Variants in CYP27C1 observed in about 807,000 individuals in gnomAD.
CYP27C1 encodes cytochrome P450 family 27 subfamily C member 1, also known as cytochrome P450 27C1.
Under a neutral mutation model 40.6 loss-of-function variants are expected in CYP27C1, and 29 were observed. The ratio of observed to expected loss-of-function variants is 0.71; its 90% CI spans 0.53 to 0.97. The LOEUF (loss-of-function observed/expected upper bound fraction) is 0.97. CYP27C1 is among the 50% of genes least tolerant of loss of function. The pLI, the probability that CYP27C1 is intolerant of heterozygous loss-of-function variation, is 0.00. For synonymous variants in CYP27C1, 198 were observed against 186.8 expected (o/e 1.06, Z -0.49); for missense variants, 390 against 485.8 (o/e 0.80, Z 1.85).
chr2:127,197,283 T>C (rs560934957), intron 5 of CYP27C1, among the ~76,000 whole-genome samples: 1 of 152,384 alleles, frequency 6.6e-6, no homozygotes, highest in East Asian at 1.9e-4. Context: ...TTTTGTTTTA[T>C]TGTTGCACAA....
chr2:127,206,447 T>A (rs1452025856), intron 1 of CYP27C1, among the ~76,000 whole-genome samples: 1 of 152,120 alleles, frequency 6.6e-6, no homozygotes, highest in African/African-American at 2.4e-5. Context: ...TAGCTAGGAC[T>A]GCAGGTGCAC....
At chr2:127,198,186 T>TACACACACACACACACACACACACACAC (rs3033450) in intron 5 of CYP27C1, among the ~76,000 whole-genome samples, 5 of 148,172 alleles carry the variant, frequency 3.4e-5, no homozygotes, top group African/African-American at 1.2e-4. Context: ...AATTTGTTGA[T>TACACACACACACACACACACACACACAC]ACACACACAC....
At position 127,195,431 on chromosome 2, in the gene CYP27C1, C is replaced by G; in HGVS notation, c.1118G>C (p.Arg373Pro). ...TTCCCCTAAATTCTTCACAATCTCC[C>G]GGTACACCGTCTGCTGCACTTCTGG... ...RHPEVQQTVY[R>P]EIVKNLGERH... Residue 373 changes from arginine (R) to proline (P), a missense_variant, in exon 6 of 9, where the codon CGG becomes CCG. Physicochemically the swap from Arg to Pro is moderately radical, Grantham distance 103 (BLOSUM62 -2). Transcript: ENST00000664447. The surrounding 1 kb of genome is among the most constrained non-coding windows in gnomAD (Gnocchi z 6.2). The G allele has an allele frequency of 6.2e-7, 1 of 1,614,138 alleles. No individual in the cohort carries two copies.
At chr2:127,207,204 A>G (rs1429889504) in intron 1 of CYP27C1, among the ~76,000 whole-genome samples, 1 of 152,146 alleles carries the variant, frequency 6.6e-6, no homozygotes, top group Non-Finnish European at 1.5e-5. Flanking sequence ...GTCTCTAAAA[A>G]AAATACATGG....
chr2:127,210,955 A>G (rs980721277), intron 1 of CYP27C1, among the ~76,000 whole-genome samples: 1 of 152,240 alleles, frequency 6.6e-6, no homozygotes, highest in Non-Finnish European at 1.5e-5. Context: ...TAGACAGATC[A>G]GCGAGACAGA....
chr2:127,204,555 G>GAGAAAGAAAGAAAGAAAGAGAGAAAGAA (rs1683167563), intron 2 of CYP27C1, among the ~76,000 whole-genome samples: 1 of 39,152 alleles, frequency 2.6e-5, no homozygotes, highest in African/African-American at 9.5e-5. Context: ...GAGAGAGAGA[G>GAGAAAGAAAGAAAGAAAGAGAGAAAGAA]AGAAAGAAAG....
intron 7 of CYP27C1, 62 bp from the exon 8 acceptor site, chr2:127,193,359 G>A: frequency 1.9e-6 from 3 of 1,596,368 alleles, no homozygotes; most frequent in Non-Finnish European, 2.6e-6. Flanking sequence ...AGCAGGGCAG[G>A]GCCCAGAGCC....
rs775729720 is a variant in CYP27C1 at position 127,187,330 on chromosome 2, T to G, written c.1555A>C (p.Thr519Pro). ...CCCCCTGGCGTCAGGAGCCCGTGGG[T>G]TTTTGCATGAACAGCATTGGTCTGA... ...SSQTNAVHAK[T>P]HGLLTPGGPI... Residue 519 changes from threonine to proline, a missense_variant, in exon 9 of 9, where the codon ACC becomes CCC. Thr to Pro is a conservative substitution (Grantham distance 38, BLOSUM62 -1). Coordinates refer to ENST00000664447, the MANE Select transcript of CYP27C1 (RefSeq NM_001367502.1). 1 of 1,613,754 alleles carries G rather than the reference T, an allele frequency of 6.2e-7. No individual in the cohort carries two copies. Among genetic ancestry groups the G allele is most frequent in the Non-Finnish European group, 8.5e-7 (1 of 1,179,932 alleles).
intron 8 of CYP27C1, among the ~76,000 whole-genome samples, chr2:127,190,331 C>CTTTTTTTTTTT (rs11400543): frequency 1.7e-5 from 2 of 120,228 alleles, no homozygotes; most frequent in Non-Finnish European, 3.2e-5. Context: ...TGTGGCTTCT[C>CTTTTTTTTTTT]TTTTTTTTTT....
Position 127,220,280 on chromosome 2 carries a change from C to A in CYP27C1, c.-10G>T, listed in dbSNP as rs927149767. On this transcript the variant is annotated 5_prime_UTR_variant, in exon 1 of 9. Transcript: ENST00000664447. The surrounding 1 kb of genome is among the most constrained non-coding windows in gnomAD (Gnocchi z 4.6). ...GCGCCAGCAGGGCCATGGCGCTCGT[C>A]TGCATCGGCTTGTTTGTCTGAGCAA... 6.6e-6 allele frequency among the ~76,000 whole-genome samples: 1 copy of A among 151,976 alleles called. No homozygotes were observed. Among genetic ancestry groups the A allele is most frequent in the Non-Finnish European group, 1.5e-5 (1 of 67,906 alleles).
intron 8 of CYP27C1, among the ~76,000 whole-genome samples, chr2:127,192,066 T>C (rs544479965): frequency 1.3e-5 from 2 of 152,306 alleles, no homozygotes; most frequent in Admixed American, 1.3e-4. Context: ...CAGGCTTCCC[T>C]GGTCCCTTAC....
intron 3 of CYP27C1, among the ~76,000 whole-genome samples, chr2:127,203,112 G>A (rs964246807): frequency 4.0e-5 from 6 of 151,300 alleles, no homozygotes; most frequent in African/African-American, 9.7e-5. Context: ...AGGTTGCAGC[G>A]AGCCAAGACC....
chr2:127,213,689 G>A (rs764083696), intron 1 of CYP27C1, among the ~76,000 whole-genome samples: 3 of 152,074 alleles, frequency 2.0e-5, no homozygotes, highest in Non-Finnish European at 4.4e-5. Flanking sequence ...AGACTTAAAT[G>A]TAAAACCCAG....
chr2:127,206,527 C>T (rs1006284260), intron 1 of CYP27C1, among the ~76,000 whole-genome samples: 7 of 152,124 alleles, frequency 4.6e-5, no homozygotes, highest in Admixed American at 1.3e-4. Flanking sequence ...AGGCTGGTCT[C>T]GAACTCTTGG....
At position 127,195,547 on chromosome 2, in the gene CYP27C1, A is replaced by G. The variant is rs774594833; in HGVS notation, c.1048-46T>C. 6.2e-7 allele frequency: 1 copy of G among 1,601,338 alleles called. No homozygotes were observed. Among genetic ancestry groups the G allele is most frequent in the Non-Finnish European group, 8.5e-7 (1 of 1,171,824 alleles). ...ACACAGGCAGGCAGTGAGTAACACC[A>G]GGGACTGAAACAGAGGCGGTGGCAG... On this transcript the variant is annotated intron_variant, in intron 5 of 8. Coordinates refer to ENST00000664447, the MANE Select transcript of CYP27C1 (RefSeq NM_001367502.1). This position sits in a 1 kb window ranked among gnomAD's most constrained non-coding sequence, Gnocchi z 6.2.
intron 2 of CYP27C1, among the ~76,000 whole-genome samples, chr2:127,204,148 T>C (rs973636780): frequency 4.7e-5 from 7 of 150,370 alleles, no homozygotes; most frequent in Non-Finnish European, 1.0e-4. Flanking sequence ...CACCTGTAAT[T>C]CCAGCTACTC....
chr2:127,217,840 G>A (rs1683462375), intron 1 of CYP27C1, among the ~76,000 whole-genome samples: 1 of 152,216 alleles, frequency 6.6e-6, no homozygotes, highest in Non-Finnish European at 1.5e-5. Flanking sequence ...AGAACAATGA[G>A]CAACCTGGAG....
rs777528810 is a variant in CYP27C1, at chr2:127,203,391, G to A, written c.654C>T (p.Phe218=). ...GETVTNVNDL[F]FKYSMEGVAT... is the part of the protein sequence containing the mutation. ...CCTCACCTTCCATTGAATATTTGAA[G>A]AAAAGATCATTGACATTGGTCACGG... The change falls in exon 3 of 9, where the codon TTC becomes TTT. Residue 218 remains phenylalanine (F), a synonymous_variant. Coordinates refer to ENST00000664447, the MANE Select transcript of CYP27C1 (RefSeq NM_001367502.1). 1.2e-6 allele frequency: 2 copies of A among 1,612,614 alleles called. No individual in the cohort carries two copies. Among genetic ancestry groups the A allele is most frequent in the Admixed American group, 1.7e-5 (1 of 59,730 alleles).
intron 2 of CYP27C1, among the ~76,000 whole-genome samples, chr2:127,205,161 G>T (rs755162653): frequency 6.6e-6 from 1 of 152,256 alleles, no homozygotes; most frequent in Admixed American, 6.5e-5. Context: ...GGCCCCTCTA[G>T]GCCTGAACAT....
Sources: allele counts gnomAD v4.1 joint callset (sites outside exome capture counted in the v4.1 genomes callset), GRCh38; gene constraint gnomAD v4.1.1; non-coding constraint Gnocchi (gnomAD v3.1); transcripts MANE v1.5; gene names NCBI Gene and HGNC (gene_info 2026-07-23, HGNC 2026-07-21).